Variants in SLC4A4 observed in about 807,000 individuals in gnomAD.
The protein encoded by SLC4A4 is solute carrier family 4 member 4.
Under a neutral mutation model 111.5 loss-of-function variants are expected in SLC4A4, and 27 were observed. That is an observed-to-expected ratio of 0.24 (90% CI 0.18 to 0.33). SLC4A4 has a LOEUF of 0.33. SLC4A4 is among the 10% of genes least tolerant of loss of function. SLC4A4 has a pLI of 1.00. For synonymous variants in SLC4A4, 443 were observed against 463.4 expected (o/e 0.96, Z 0.57); for missense variants, 909 against 1,315.5 (o/e 0.69, Z 4.78).
Position 71,305,323 on chromosome 4 carries a change from C to T in SLC4A4, c.254-34047C>T, listed in dbSNP as rs1224555062. Among the ~76,000 whole-genome samples, 8 of 152,188 alleles carry T rather than the reference C, an allele frequency of 5.3e-5. 1 individual carries two copies. The South Asian group carries it at 1.4e-3, about 28-fold the overall frequency. On this transcript the variant is annotated intron_variant, in intron 3 of 25. Transcript: ENST00000264485. ...TGGTGATTGACTTAATCTATCTAAA[C>T]CTTCATTTTTAGATTGAGCTACTTA...
intron 3 of SLC4A4, among the ~76,000 whole-genome samples, chr4:71,280,064 G>C (rs368257677): frequency 3.3e-5 from 5 of 152,308 alleles, no homozygotes; most frequent in African/African-American, 1.2e-4. Flanking sequence ...AAAGTGCTGG[G>C]ATCACAGGTG....
intron 3 of SLC4A4, among the ~76,000 whole-genome samples, chr4:71,333,484 G>T (rs1209611455): frequency 6.6e-6 from 1 of 152,188 alleles, no homozygotes; most frequent in Non-Finnish European, 1.5e-5. Context: ...GGTCAGACTC[G>T]AAGTCAGCAC....
At chr4:71,200,731 A>G (rs1947375) in intron 1 of SLC4A4, among the ~76,000 whole-genome samples, 24,115 of 151,944 alleles carry the variant, frequency 0.16, 3,123 homozygotes, top group African/African-American at 0.33. Flanking sequence ...GGGTGCAGCA[A>G]ACCACCATGG....
At chr4:71,300,989 C>T (rs977399739) in intron 3 of SLC4A4, 3 of 473,840 alleles carry the variant, frequency 6.3e-6, no homozygotes, top group Non-Finnish European at 8.7e-6. Flanking sequence ...CAGCTTAGTG[C>T]CAGAGTGGGG....
intron 14 of SLC4A4, among the ~76,000 whole-genome samples, chr4:71,474,748 T>G (rs142255687): frequency 6.6e-6 from 1 of 151,966 alleles, no homozygotes; most frequent in African/African-American, 2.4e-5. Flanking sequence ...AATTTAAAGA[T>G]TCAAACTAAT....
chr4:71,422,881 A>G (rs1278004438), intron 7 of SLC4A4, among the ~76,000 whole-genome samples: 1 of 152,228 alleles, frequency 6.6e-6, no homozygotes, highest in Non-Finnish European at 1.5e-5. Context: ...AGCCAATATC[A>G]TACTGAATGG....
chr4:71,300,225 G>T, intron 3 of SLC4A4: 1 of 193,448 alleles, frequency 5.2e-6, no homozygotes, highest in Admixed American at 4.9e-5. Flanking sequence ...CCAATATACA[G>T]GGTCTGGAGT....
At chr4:71,466,173 T>G (rs1727292234) in intron 12 of SLC4A4, among the ~76,000 whole-genome samples, 1 of 152,138 alleles carries the variant, frequency 6.6e-6, no homozygotes, top group Non-Finnish European at 1.5e-5. Context: ...AGCCACCTTT[T>G]GCCTTCTACA....
chr4:71,207,767 T>C (rs1363868142), intron 1 of SLC4A4, among the ~76,000 whole-genome samples: 1 of 152,240 alleles, frequency 6.6e-6, no homozygotes, highest in East Asian at 1.9e-4. Context: ...AATTCTGTTT[T>C]TTCCTCTTTA....
chr4:71,144,753 G>C (rs976554504), intron 2 of SLC4A4, among the ~76,000 whole-genome samples: 2 of 152,096 alleles, frequency 1.3e-5, no homozygotes, highest in Non-Finnish European at 2.9e-5. Context: ...CTGTTAGTCT[G>C]TTGTCGGTGT....
intron 20 of SLC4A4, among the ~76,000 whole-genome samples, chr4:71,554,479 AT>A (rs950878360): frequency 1.3e-5 from 2 of 151,798 alleles, no homozygotes; most frequent in African/African-American, 4.8e-5. Flanking sequence ...AATATAAAAT[AT>A]TTTTTGCTAA....
chr4:71,275,997 A>T (rs937335996), intron 3 of SLC4A4, among the ~76,000 whole-genome samples: 3 of 152,262 alleles, frequency 2.0e-5, no homozygotes, highest in Non-Finnish European at 4.4e-5. Context: ...AAGTGTAAAC[A>T]TTCATGACTG....
intron 1 of SLC4A4, among the ~76,000 whole-genome samples, chr4:71,190,523 C>T (rs1227712325): frequency 6.6e-6 from 1 of 151,918 alleles, no homozygotes; most frequent in Non-Finnish European, 1.5e-5. Context: ...GCTTTTATTG[C>T]ATTTGGTAGT....
chr4:71,145,555 C>A (rs566219241), intron 2 of SLC4A4, among the ~76,000 whole-genome samples: 1 of 151,754 alleles, frequency 6.6e-6, no homozygotes, highest in Non-Finnish European at 1.5e-5. Flanking sequence ...TGGTAGAATT[C>A]GGCTGTGAAT....
chr4:71,214,599 A>T (rs1718315441), intron 1 of SLC4A4, among the ~76,000 whole-genome samples: 1 of 152,098 alleles, frequency 6.6e-6, no homozygotes, highest in South Asian at 2.1e-4. Context: ...TTCTGTGTTT[A>T]TTTTTTGCTG....
intron 7 of SLC4A4, among the ~76,000 whole-genome samples, chr4:71,418,307 C>A (rs1722003465): frequency 6.6e-6 from 1 of 152,150 alleles, no homozygotes; most frequent in South Asian, 2.1e-4. Flanking sequence ...TTACCCTCAG[C>A]ATTGTTTTCA....
chr4:71,221,975 A>C (rs1285663649), intron 1 of SLC4A4, among the ~76,000 whole-genome samples: 1 of 152,204 alleles, frequency 6.6e-6, no homozygotes, highest in East Asian at 1.9e-4. Context: ...TGGCCCCAGA[A>C]AGACCTTCTA....
chr4:71,186,391 C>T (rs920659080), upstream of SLC4A4, among the ~76,000 whole-genome samples: 3 of 152,194 alleles, frequency 2.0e-5, no homozygotes, highest in African/African-American at 7.2e-5. Flanking sequence ...GTGATCTGAG[C>T]TGGGAAACTC....
intron 16 of SLC4A4, among the ~76,000 whole-genome samples, chr4:71,522,859 C>T (rs1054169397): frequency 2.6e-5 from 4 of 152,126 alleles, no homozygotes; most frequent in African/African-American, 4.8e-5. Context: ...AAGTGTGGCG[C>T]TTCAGAAACT....
Sources: allele counts gnomAD v4.1 joint callset (sites outside exome capture counted in the v4.1 genomes callset), GRCh38; gene constraint gnomAD v4.1.1; transcripts MANE v1.5; gene names NCBI Gene and HGNC (gene_info 2026-07-23, HGNC 2026-07-21).